RCAN2: variants seen among roughly 807,000 people sequenced by gnomAD.
RCAN2 encodes the protein regulator of calcineurin 2.
RCAN2 carries 9 observed loss-of-function variants against 23.6 expected under a neutral mutation model. That is an observed-to-expected ratio of 0.38 (90% CI 0.23 to 0.67). The LOEUF (loss-of-function observed/expected upper bound fraction) is 0.67. RCAN2 is among the 30% of genes least tolerant of loss of function. The probability of loss-of-function intolerance (pLI) is 0.51; values close to 1 mark genes in which losing one functional copy is unlikely to be tolerated. For synonymous variants in RCAN2, 109 were observed against 115.7 expected, an observed-to-expected ratio of 0.94 and a Z score of 0.37; for missense variants, 273 against 302.3, an observed-to-expected ratio of 0.90 and a Z score of 0.72.
chr6:46,325,381 G>C, intron 2 of RCAN2: 1 of 1,613,350 alleles, frequency 6.2e-7, no homozygotes, highest in Non-Finnish European at 8.5e-7. Context: ...AAATAAGATT[G>C]CAGGTGCATA....
rs765289032 is a variant in RCAN2 at position 46,223,081 on chromosome 6, C to A, written c.*60G>T. On this transcript the variant is annotated 3_prime_UTR_variant, in exon 5 of 5. Coordinates refer to ENST00000371374, the MANE Select transcript of RCAN2 (RefSeq NM_001251974.2). ...TTTAAAGGCAATTTTTTTTGACAAA[C>A]AACAGGGGGAAAAAGCATGATAAAG... 5 of 1,572,406 alleles carry A rather than the reference C, an allele frequency of 3.2e-6. No individual in the cohort carries two copies. The highest frequency in any genetic ancestry group is 4.3e-6 in the Non-Finnish European group (5 of 1,158,314).
chr6:46,420,675 C>G (rs1056945714), intron 2 of RCAN2, among the ~76,000 whole-genome samples: 1 of 151,852 alleles, frequency 6.6e-6, no homozygotes, highest in African/African-American at 2.4e-5. Flanking sequence ...TCCCAAGTAG[C>G]TGGGATTACA....
At chr6:46,336,772 C>A (rs1764157283) in intron 2 of RCAN2, among the ~76,000 whole-genome samples, 1 of 151,960 alleles carries the variant, frequency 6.6e-6, no homozygotes, top group East Asian at 1.9e-4. Flanking sequence ...TTGGTGACTC[C>A]AAAACTCTTG....
At chr6:46,347,334 T>C (rs566104303) in intron 2 of RCAN2, among the ~76,000 whole-genome samples, 4 of 152,314 alleles carry the variant, frequency 2.6e-5, no homozygotes, top group South Asian at 2.1e-4. Flanking sequence ...GTAATGTACA[T>C]CAGGTCATGC....
chr6:46,313,703 A>T (rs544360240), intron 2 of RCAN2, among the ~76,000 whole-genome samples: 46 of 152,318 alleles, frequency 3.0e-4, no homozygotes, highest in African/African-American at 1.1e-3. Flanking sequence ...TTGATTTGTT[A>T]TATAATTTGG....
chr6:46,283,695 T>A (rs1398804904), intron 2 of RCAN2, among the ~76,000 whole-genome samples: 1 of 152,244 alleles, frequency 6.6e-6, no homozygotes, highest in African/African-American at 2.4e-5. Flanking sequence ...TGGATATAAT[T>A]TGAACACATC....
chr6:46,350,310 T>C (rs1764608435), intron 2 of RCAN2, among the ~76,000 whole-genome samples: 1 of 152,318 alleles, frequency 6.6e-6, no homozygotes, highest in South Asian at 2.1e-4. Context: ...TATCCCTACT[T>C]CTAGACTCTT....
intron 2 of RCAN2, among the ~76,000 whole-genome samples, chr6:46,256,204 T>G (rs9463193): frequency 1.3e-5 from 2 of 151,594 alleles, no homozygotes; most frequent in Non-Finnish European, 2.9e-5. Flanking sequence ...ACCCTGTCTC[T>G]ACTAAAAATA....
intron 2 of RCAN2, among the ~76,000 whole-genome samples, chr6:46,439,870 G>A (rs1323497501): frequency 1.3e-5 from 2 of 152,176 alleles, no homozygotes; most frequent in African/African-American, 4.8e-5. Context: ...CTCATTCCCT[G>A]AAAATTTCTA....
intron 2 of RCAN2, among the ~76,000 whole-genome samples, chr6:46,319,429 C>T (rs982024006): frequency 2.6e-5 from 4 of 152,156 alleles, no homozygotes; most frequent in Admixed American, 2.0e-4. Context: ...ATATATCTGA[C>T]ATTTAGGTTA....
At chr6:46,339,541 G>A (rs1764240463) in intron 2 of RCAN2, among the ~76,000 whole-genome samples, 1 of 152,028 alleles carries the variant, frequency 6.6e-6, no homozygotes, top group South Asian at 2.1e-4. Context: ...ATCAGGGGTG[G>A]GAAGCTATGG....
intron 2 of RCAN2, among the ~76,000 whole-genome samples, chr6:46,403,279 A>T (rs1267758879): frequency 5.3e-5 from 8 of 150,054 alleles, no homozygotes; most frequent in Non-Finnish European, 7.4e-5. Flanking sequence ...TTTGATTTTT[A>T]AAAAATTCTG....
chr6:46,449,657 G>T (rs1473356466), intron 2 of RCAN2, among the ~76,000 whole-genome samples: 1 of 151,704 alleles, frequency 6.6e-6, no homozygotes, highest in Non-Finnish European at 1.5e-5. Flanking sequence ...AGAAAGCCCA[G>T]AAATAAATCC....
chr6:46,360,695 A>T (rs925412963), intron 2 of RCAN2, among the ~76,000 whole-genome samples: 2 of 152,212 alleles, frequency 1.3e-5, no homozygotes, highest in Non-Finnish European at 2.9e-5. Flanking sequence ...AAACAAGTGG[A>T]TACGTTCTGC....
At chr6:46,460,480 C>G (rs1055485582) in intron 1 of RCAN2, among the ~76,000 whole-genome samples, 1 of 152,286 alleles carries the variant, frequency 6.6e-6, no homozygotes, top group South Asian at 2.1e-4. Flanking sequence ...GGTTGGCCAT[C>G]CAAAGGAGAA....
chr6:46,268,470 C>A (rs1767414323), intron 2 of RCAN2, among the ~76,000 whole-genome samples: 1 of 152,164 alleles, frequency 6.6e-6, no homozygotes, highest in South Asian at 2.1e-4. Context: ...TCATCTAAAT[C>A]TGGGGTTATT....
chr6:46,444,285 C>T (rs534509138), intron 2 of RCAN2, among the ~76,000 whole-genome samples: 1 of 152,200 alleles, frequency 6.6e-6, no homozygotes, highest in Admixed American at 6.5e-5. Context: ...TAGTGAGGAG[C>T]TAGAATGAAG....
chr6:46,417,029 C>A (rs2150410473), intron 2 of RCAN2, among the ~76,000 whole-genome samples: 1 of 152,258 alleles, frequency 6.6e-6, no homozygotes, highest in Non-Finnish European at 1.5e-5. Flanking sequence ...TTCTTCCATA[C>A]TTATTTTGCT....
intron 2 of RCAN2, among the ~76,000 whole-genome samples, chr6:46,388,561 A>G (rs185814102): frequency 5.3e-5 from 8 of 152,336 alleles, no homozygotes; most frequent in Admixed American, 3.9e-4. Flanking sequence ...ATGTCCATCA[A>G]TGATAGACTG....
Sources: allele counts gnomAD v4.1 joint callset (sites outside exome capture counted in the v4.1 genomes callset), GRCh38; gene constraint gnomAD v4.1.1; transcripts MANE v1.5; gene names NCBI Gene and HGNC (gene_info 2026-07-23, HGNC 2026-07-21).